The following FSD1 variants were observed in gnomAD, a reference collection of about 807,000 sequenced individuals.
The protein encoded by FSD1 is fibronectin type III and SPRY domain-containing protein 1.
A neutral mutation model predicts 58.2 loss-of-function variants in FSD1; 23 were observed. The observed-to-expected ratio is 0.40, with a 90% CI of 0.28 to 0.56. FSD1 has a LOEUF of 0.56. Ranked by LOEUF, FSD1 falls within the 20% of genes least tolerant of loss-of-function variation. The probability of loss-of-function intolerance (pLI) is 0.54; values close to 1 mark genes in which losing one functional copy is unlikely to be tolerated. For missense variants in FSD1, 563 were observed against 670.8 expected, an observed-to-expected ratio of 0.84 and a Z score of 1.78; for synonymous variants, 265 against 263.4, an observed-to-expected ratio of 1.01 and a Z score of -0.06.
chr19:4,318,766 T>C (rs1256581747), intron 9 of FSD1, 106 bp from the exon 10 acceptor site: 5 of 921,158 alleles, frequency 5.4e-6, no homozygotes, highest in Non-Finnish European at 9.0e-6. Context: ...TGCCAGAGAT[T>C]GACCCAACAT....
At chr19:4,316,256 C>T (rs919560637) in intron 7 of FSD1, among the ~76,000 whole-genome samples, 1 of 152,068 alleles carries the variant, frequency 6.6e-6, no homozygotes, top group African/African-American at 2.4e-5. Flanking sequence ...GAGTTTCGCT[C>T]TGTCACCCAG....
Position 4,323,765 on chromosome 19 carries a change from T to C in FSD1, c.*122T>C, listed in dbSNP as rs1189288150. The C allele has an allele frequency of 2.9e-6, 2 of 699,554 alleles. No homozygotes were observed. Among genetic ancestry groups the C allele is most frequent in the Non-Finnish European group, 4.8e-6 (2 of 420,388 alleles). 43.3% of individuals were successfully genotyped at this position (699,554 alleles called of 1,614,324 possible). On this transcript the variant is annotated 3_prime_UTR_variant, in exon 13 of 13. Transcript: ENST00000221856. The surrounding 1 kb of genome is among the most constrained non-coding windows in gnomAD (Gnocchi z 7.7). Reference sequence around the variant, plus strand: ...GGAGCCTTAACTCCAGATGGGGGGGTCACCAAGAGGGAGTGGGCACCCTGG... The same window carrying C: ...GGAGCCTTAACTCCAGATGGGGGGGCCACCAAGAGGGAGTGGGCACCCTGG...
In FSD1 at chr19:4,306,276, G is replaced by A. The variant is rs755471437; in HGVS notation, c.190G>A (p.Gly64Ser). ...LFSLLEELKE[G>S]MLMKIKQDRA... Reference sequence around the variant, plus strand: ...CTCCCTCCTGGAGGAGCTGAAAGAAGGCATGCTTATGAAGATAAAACAGGA... The same window carrying A: ...CTCCCTCCTGGAGGAGCTGAAAGAAAGCATGCTTATGAAGATAAAACAGGA... The change falls in exon 3 of 13, where the codon GGC becomes AGC. Residue 64 changes from glycine (G) to serine (S), a missense_variant. Gly to Ser is a moderately conservative substitution (Grantham distance 56). Transcript: ENST00000221856. The A allele has an allele frequency of 4.3e-6, 7 of 1,614,106 alleles. No individual in the cohort carries two copies. In the South Asian group the frequency reaches 6.6e-5, roughly 15 times the overall value.
Position 4,323,499 on chromosome 19 carries a change from T to TGGGGGGG in FSD1, c.1381-33_1381-32insGGGGGGG. ...GGTGCTGGGCGCTGGGGTTTGAAGC[T>TGGGGGGG]GAGCCCCTCCCCCCTCCCCCCGCTG... On this transcript the variant is annotated intron_variant, in intron 12 of 12. Coordinates refer to ENST00000221856, the MANE Select transcript of FSD1 (RefSeq NM_024333.3). This position sits in a 1 kb window ranked among gnomAD's most constrained non-coding sequence, Gnocchi z 7.7. 1.3e-6 allele frequency: 2 copies of TGGGGGGG among 1,577,818 alleles called. No individual in the cohort carries two copies. Among genetic ancestry groups the TGGGGGGG allele is most frequent in the Non-Finnish European group, 1.7e-6 (2 of 1,148,726 alleles).
At chr19:4,308,639 C>T (rs1185230788) in intron 4 of FSD1, among the ~76,000 whole-genome samples, 3 of 152,030 alleles carry the variant, frequency 2.0e-5, no homozygotes, top group East Asian at 1.9e-4. Context: ...GGGCGGATCA[C>T]GAGGTCAGGA....
intron 7 of FSD1, among the ~76,000 whole-genome samples, chr19:4,316,564 CAAAT>C (rs1168463618): frequency 2.0e-5 from 3 of 151,398 alleles, no homozygotes; most frequent in Non-Finnish European, 4.4e-5. Context: ...GACAGAATCT[CAAAT>C]AAATGTGTCG....
intron 4 of FSD1, among the ~76,000 whole-genome samples, chr19:4,309,579 T>A (rs1211654325): frequency 2.0e-5 from 3 of 152,186 alleles, no homozygotes; most frequent in Admixed American, 2.0e-4. Context: ...GAGGCCTCAG[T>A]CTTCATGTCT....
intron 8 of FSD1, among the ~76,000 whole-genome samples, chr19:4,318,092 C>T (rs1443498213): frequency 2.0e-5 from 3 of 151,892 alleles, no homozygotes; most frequent in African/African-American, 7.3e-5. Flanking sequence ...CTTCGCGCTT[C>T]TGGCTCCATG....
At chr19:4,304,796 G>A in intron 1 of FSD1, 35 bp downstream of exon 1, 1 of 548,226 alleles carries the variant, frequency 1.8e-6, no homozygotes, top group Middle Eastern at 6.1e-4. Flanking sequence ...GCCCGCAGGG[G>A]CGTCGGGGGC....
chr19:4,312,391 T>A (rs1971703056), intron 7 of FSD1, among the ~76,000 whole-genome samples: 2 of 152,014 alleles, frequency 1.3e-5, no homozygotes, highest in African/African-American at 4.8e-5. Context: ...CTCAGGAGGC[T>A]AAGGCGGGAG....
rs1343047080 is a variant in FSD1, at chr19:4,306,465, A to G, written c.243+136A>G. The G allele has an allele frequency of 6.9e-6, 5 of 719,580 alleles. No homozygotes were observed. In the East Asian group the frequency reaches 8.7e-5, roughly 13 times the overall value. 44.6% of individuals were successfully genotyped at this position (719,580 alleles called of 1,614,324 possible). On this transcript the variant is annotated intron_variant, in intron 3 of 12. Transcript: ENST00000221856. The stretch of plus-strand genomic sequence containing the variant: ...CCCTGACCCCTCCATCCACCTGTAC[A>G]CTCTCTCTTTTTTTTTTTTGAGACG...
At chr19:4,305,890 C>G (rs1599531987) in intron 1 of FSD1, 56 bp from the exon 2 acceptor site, 1 of 1,267,768 alleles carries the variant, frequency 7.9e-7, no homozygotes, top group Non-Finnish European at 1.2e-6. Flanking sequence ...GTGTGTGTAC[C>G]TGTGTGCGCA....
chr19:4,311,685 TAAA>T (rs59243536), intron 6 of FSD1, 154 bp from the exon 7 acceptor site: 14 of 547,526 alleles, frequency 2.6e-5, no homozygotes, highest in East Asian at 6.4e-5. Flanking sequence ...ACTCTGTCTC[TAAA>T]AAAAAAAAAG....
At chr19:4,314,039 A>G in intron 7 of FSD1, among the ~76,000 whole-genome samples, 1 of 151,734 alleles carries the variant, frequency 6.6e-6, no homozygotes, top group East Asian at 1.9e-4. Context: ...AAAAAAAAAA[A>G]GAAAAAAAAA....
chr19:4,315,369 T>C (rs1164286844), intron 7 of FSD1, among the ~76,000 whole-genome samples: 17 of 138,508 alleles, frequency 1.2e-4, no homozygotes, highest in Admixed American at 5.5e-4. Context: ...AGTGCAGTGG[T>C]GCTATCTCGG....
At chr19:4,310,657 GC>G (rs1314020034) in intron 6 of FSD1, 61 bp downstream of exon 6, 3 of 1,566,944 alleles carry the variant, frequency 1.9e-6, no homozygotes, top group Non-Finnish European at 2.6e-6. Context: ...AGGCTAGGAG[GC>G]CCTGAAACAG....
At chr19:4,314,224 G>A (rs1008342129) in intron 7 of FSD1, among the ~76,000 whole-genome samples, 2 of 152,134 alleles carry the variant, frequency 1.3e-5, no homozygotes, top group African/African-American at 4.8e-5. Context: ...TCAGCCTCAG[G>A]AGCTGCAAAC....
rs747923647 is a variant in FSD1, at chr19:4,322,967, C to A, written c.1040-19C>A. ...TTCTATCCAGTTCCCCTGCCCACCCCTCCTGCCCTGCGCCACAGGGGACAC... is the reference window on the plus strand; with the variant it reads ...TTCTATCCAGTTCCCCTGCCCACCCATCCTGCCCTGCGCCACAGGGGACAC... On this transcript the variant is annotated intron_variant, in intron 10 of 12. Coordinates refer to ENST00000221856, the MANE Select transcript of FSD1 (RefSeq NM_024333.3). The A allele has an allele frequency of 1.2e-5, 20 of 1,602,048 alleles. No individual in the cohort carries two copies. The Admixed American group carries it at 3.4e-4, about 27-fold the overall frequency.
chr19:4,310,179 C>G (rs1476062734), intron 4 of FSD1, 94 bp from the exon 5 acceptor site: 1 of 1,403,030 alleles, frequency 7.1e-7, no homozygotes, highest in Admixed American at 1.7e-5. Flanking sequence ...GAGCCGAGAT[C>G]TCTCCACTGC....
Sources: allele counts gnomAD v4.1 joint callset (sites outside exome capture counted in the v4.1 genomes callset), GRCh38; gene constraint gnomAD v4.1.1; non-coding constraint Gnocchi (gnomAD v3.1); transcripts MANE v1.5; gene names NCBI Gene and HGNC (gene_info 2026-07-23, HGNC 2026-07-21).